Variants in AUTS2 observed in about 807,000 individuals in gnomAD.
AUTS2 encodes activator of transcription and developmental regulator AUTS2.
A neutral mutation model predicts 112.4 loss-of-function variants in AUTS2; 17 were observed. The ratio of observed to expected loss-of-function variants is 0.15; its 90% confidence interval spans 0.10 to 0.23. The LOEUF (loss-of-function observed/expected upper bound fraction) is 0.23. Among genes scored for constraint, AUTS2 ranks in the 10% least tolerant of loss-of-function variants. The pLI, the probability that AUTS2 is intolerant of heterozygous loss-of-function variation, is 1.00. For synonymous variants in AUTS2, 751 were observed against 702.7 expected (o/e 1.07, Z -1.09); for missense variants, 1,510 against 1,701.6 (o/e 0.89, Z 1.98).
intron 2 of AUTS2, among the ~76,000 whole-genome samples, chr7:69,966,367 A>G (rs1797636116): frequency 6.6e-6 from 1 of 152,146 alleles, no homozygotes; most frequent in Non-Finnish European, 1.5e-5. Context: ...ACTAGCTATA[A>G]TGCTATAGTC....
chr7:69,821,204 G>C (rs777243270), intron 1 of AUTS2, among the ~76,000 whole-genome samples: 16 of 152,150 alleles, frequency 1.1e-4, no homozygotes, highest in Non-Finnish European at 2.4e-4. Context: ...GGATCCAGAG[G>C]AGTAGAGATA....
At chr7:70,019,142 C>G (rs1178879983) in intron 2 of AUTS2, among the ~76,000 whole-genome samples, 1 of 152,158 alleles carries the variant, frequency 6.6e-6, no homozygotes, top group Admixed American at 6.5e-5. Flanking sequence ...GGCTATTATC[C>G]TTAGCCAATT....
intron 4 of AUTS2, among the ~76,000 whole-genome samples, chr7:70,277,954 A>ATGTGTGTGTGTGTGTGTGTCTGTGTG (rs1554354124): frequency 1.4e-5 from 2 of 140,520 alleles, no homozygotes; most frequent in African/African-American, 2.6e-5. Context: ...GTGTGTATGT[A>ATGTGTGTGTGTGTGTGTGTCTGTGTG]TGTATGTGTG....
chr7:70,427,163 G>A (rs1795471580), intron 4 of AUTS2, among the ~76,000 whole-genome samples: 1 of 152,286 alleles, frequency 6.6e-6, no homozygotes, highest in African/African-American at 2.4e-5. Context: ...CATCTTCAAA[G>A]TCATTTGTAA....
At position 69,694,981 on chromosome 7, in the gene AUTS2, A is replaced by C. The variant is rs182467836; in HGVS notation, c.309+95019A>C. Among the ~76,000 whole-genome samples the C allele has an allele frequency of 1.0e-3, 156 of 152,282 alleles. 1 individual carries two copies. The East Asian group carries it at 0.01, about 10-fold the overall frequency. ...TTTACAGAAATGGGTATTCCATGGG[A>C]GAGAACGTGGTAACCTATGTTTTGT... On this transcript the variant is annotated intron_variant, in intron 1 of 18. Coordinates refer to ENST00000342771, the MANE Select transcript of AUTS2 (RefSeq NM_015570.4).
intron 5 of AUTS2, among the ~76,000 whole-genome samples, chr7:70,525,041 A>G (rs1014165525): frequency 3.9e-5 from 6 of 152,106 alleles, no homozygotes; most frequent in Non-Finnish European, 5.9e-5. Context: ...GAATCATAGT[A>G]TCTTAGAGAT....
chr7:69,941,399 A>G (rs1449338572), intron 2 of AUTS2, among the ~76,000 whole-genome samples: 1 of 152,192 alleles, frequency 6.6e-6, no homozygotes, highest in Non-Finnish European at 1.5e-5. Context: ...ATTCACCTCA[A>G]ACGTCTTTCC....
At position 69,673,027 on chromosome 7, in the gene AUTS2, C is replaced by T. The variant is rs17140786; in HGVS notation, c.309+73065C>T. ...TCAGAGTGACTGTATTTAGACCCAT[C>T]ATGTTTCTAGAGTTTTTTCCTAGAT... On this transcript the variant is annotated intron_variant, in intron 1 of 18. Coordinates refer to ENST00000342771, the MANE Select transcript of AUTS2 (RefSeq NM_015570.4). 9.7e-4 allele frequency among the ~76,000 whole-genome samples: 147 copies of T among 152,262 alleles called. 1 individual carries two copies. The highest frequency in any genetic ancestry group is 3.4e-3 in the African/African-American group (143 of 41,556).
rs184281933 is a variant in AUTS2, at chr7:70,534,360, G to A, written c.690+98579G>A. On this transcript the variant is annotated intron_variant, in intron 5 of 18. Transcript: ENST00000342771. ...GAGATTTTCAGCATGTCAAACATAG[G>A]CAAGACAGAATATCGGGGAGTTATT... is the stretch of plus-strand genomic sequence containing the variant. 2.8e-3 allele frequency among the ~76,000 whole-genome samples: 431 copies of A among 152,252 alleles called. 1 individual carries two copies. The highest frequency in any genetic ancestry group is 7.1e-3 in the Admixed American group (109 of 15,278).
chr7:69,812,821 G>T (rs1205481342), intron 1 of AUTS2, among the ~76,000 whole-genome samples: 1 of 152,082 alleles, frequency 6.6e-6, no homozygotes, highest in Non-Finnish European at 1.5e-5. Context: ...CCATTTCTCA[G>T]CACCTCTGTT....
chr7:70,572,967 A>G (rs1802011167), intron 5 of AUTS2, among the ~76,000 whole-genome samples: 1 of 152,248 alleles, frequency 6.6e-6, no homozygotes, highest in Non-Finnish European at 1.5e-5. Flanking sequence ...AGGGAAATCA[A>G]TTAAAAAAGG....
chr7:70,766,121 C>T lies in AUTS2; in HGVS notation c.1476C>T (p.Asp492=). 1 of 1,612,952 alleles carries T rather than the reference C, an allele frequency of 6.2e-7. No homozygotes were observed. The highest frequency in any genetic ancestry group is 8.5e-7 in the Non-Finnish European group (1 of 1,178,992). ...HPAGSTYSEQ[D]ILRQELNTRF... ...CCTCTTCTTCTCTTCCAGAGCAAGA[C>T]ATCTTGCGACAGGAACTGAACACTC... is the stretch of plus-strand genomic sequence containing the variant. The change falls in exon 9 of 19, where the codon GAC becomes GAT. Residue 492 remains aspartate (D), a synonymous_variant. Coordinates refer to ENST00000342771, the MANE Select transcript of AUTS2 (RefSeq NM_015570.4). This position sits in a 1 kb window ranked among gnomAD's most constrained non-coding sequence, Gnocchi z 4.8.
chr7:69,730,412 G>A (rs1786742403), intron 1 of AUTS2, among the ~76,000 whole-genome samples: 1 of 151,922 alleles, frequency 6.6e-6, no homozygotes, highest in Non-Finnish European at 1.5e-5. Flanking sequence ...TATTTCCTGT[G>A]GTTTAATTAA....
At chr7:70,028,212 C>A (rs1584602399) in intron 2 of AUTS2, among the ~76,000 whole-genome samples, 1 of 152,120 alleles carries the variant, frequency 6.6e-6, no homozygotes, top group African/African-American at 2.4e-5. Context: ...TGCTCTGTGT[C>A]TTTTCAGGTC....
At chr7:69,839,761 C>T (rs1350356678) in intron 1 of AUTS2, among the ~76,000 whole-genome samples, 3 of 152,138 alleles carry the variant, frequency 2.0e-5, no homozygotes, top group African/African-American at 7.2e-5. Context: ...TCCTCACTGC[C>T]TCACGAATGG....
intron 4 of AUTS2, among the ~76,000 whole-genome samples, chr7:70,163,292 C>T (rs1240432451): frequency 7.6e-6 from 1 of 130,772 alleles, no homozygotes; most frequent in Non-Finnish European, 1.5e-5. Context: ...TAGAATGTTC[C>T]AAACTGATGC....
chr7:70,268,558 G>A (rs1787544572), intron 4 of AUTS2, among the ~76,000 whole-genome samples: 1 of 152,186 alleles, frequency 6.6e-6, no homozygotes, highest in African/African-American at 2.4e-5. Context: ...TTAGGCTTCA[G>A]TGAAGGGACT....
At chr7:69,744,932 A>T (rs1157186023) in intron 1 of AUTS2, among the ~76,000 whole-genome samples, 1 of 152,206 alleles carries the variant, frequency 6.6e-6, no homozygotes, top group South Asian at 2.1e-4. Flanking sequence ...TTTTGCTGTT[A>T]TCCTGTTGTG....
At chr7:70,549,138 G>T (rs764644954) in intron 5 of AUTS2, among the ~76,000 whole-genome samples, 38 of 152,054 alleles carry the variant, frequency 2.5e-4, no homozygotes, top group Non-Finnish European at 4.0e-4. Flanking sequence ...GTGTTATTGT[G>T]AATAAAATTT....
Sources: allele counts gnomAD v4.1 joint callset (sites outside exome capture counted in the v4.1 genomes callset), GRCh38; gene constraint gnomAD v4.1.1; non-coding constraint Gnocchi (gnomAD v3.1); transcripts MANE v1.5; gene names NCBI Gene and HGNC (gene_info 2026-07-23, HGNC 2026-07-21).